The following DLGAP2 variants were observed in gnomAD, a reference collection of about 807,000 sequenced individuals.
The protein encoded by DLGAP2 is disks large-associated protein 2.
In DLGAP2, 26 loss-of-function variants were observed where a neutral mutation model predicts 100.3. The observed-to-expected ratio is 0.26, with a 90% CI of 0.19 to 0.36. The LOEUF is 0.36. Among genes scored for constraint, DLGAP2 ranks in the 10% least tolerant of loss-of-function variants. DLGAP2 has a pLI of 1.00. For synonymous variants in DLGAP2, 886 were observed against 630.1 expected (o/e 1.41, Z -6.08); for missense variants, 1,858 against 1,453.2 (o/e 1.28, Z -4.53).
At chr8:998,246 C>T (rs538501719) in intron 2 of DLGAP2, among the ~76,000 whole-genome samples, 1 of 152,236 alleles carries the variant, frequency 6.6e-6, no homozygotes, top group African/African-American at 2.4e-5. Flanking sequence ...ACTGCTCCAT[C>T]TGTGTCATGT....
chr8:1,230,467 A>C (rs969227704), intron 2 of DLGAP2, among the ~76,000 whole-genome samples: 2 of 152,216 alleles, frequency 1.3e-5, no homozygotes, highest in South Asian at 4.1e-4. Context: ...TGCTATTCCT[A>C]TCAAACTACC....
At chr8:790,924 G>T (rs955676413) in intron 1 of DLGAP2, among the ~76,000 whole-genome samples, 16 of 151,968 alleles carry the variant, frequency 1.1e-4, no homozygotes, top group African/African-American at 3.9e-4. Context: ...TTTGTGCTTT[G>T]TAGAGATGAG....
intron 3 of DLGAP2, among the ~76,000 whole-genome samples, chr8:1,449,417 G>A (rs1314686817): frequency 1.3e-5 from 2 of 152,126 alleles, no homozygotes; most frequent in Non-Finnish European, 2.9e-5. Flanking sequence ...AGGGGGACTC[G>A]AGTTTGACAG....
In DLGAP2 at chr8:1,569,415, C is replaced by T. The variant is rs1027129382; in HGVS notation, c.1442+3521C>T. ...TGTGATGGGTCTGGACAGCGACCTG[C>T]CTGCCAGGGACCTGCTAACTTGAAA... On this transcript the variant is annotated intron_variant, in intron 6 of 14. Transcript: ENST00000637795. 2.0e-5 allele frequency among the ~76,000 whole-genome samples: 3 copies of T among 152,196 alleles called. No individual in the cohort carries two copies. In the South Asian group the frequency reaches 6.2e-4, roughly 32 times the overall value.
At chr8:1,419,472 G>A (rs1482373785) in intron 3 of DLGAP2, among the ~76,000 whole-genome samples, 1 of 124,740 alleles carries the variant, frequency 8.0e-6, no homozygotes, top group African/African-American at 3.0e-5. Flanking sequence ...GTGTGTGTGT[G>A]TGTAGGTTTT....
intron 3 of DLGAP2, among the ~76,000 whole-genome samples, chr8:1,320,195 T>G (rs1219044543): frequency 6.6e-6 from 1 of 151,928 alleles, no homozygotes; most frequent in Non-Finnish European, 1.5e-5. Context: ...TGGCACTGTT[T>G]CCGGAAATGG....
chr8:1,366,944 T>G (rs927657385), intron 3 of DLGAP2, among the ~76,000 whole-genome samples: 2 of 151,120 alleles, frequency 1.3e-5, no homozygotes, highest in Non-Finnish European at 2.9e-5. Context: ...CTGTTAGCAT[T>G]TACATGGCAA....
chr8:795,871 C>CGTCCAGTGAGAGCAGCT lies in DLGAP2; in HGVS notation c.18+58061_18+58062insCTGTCCAGTGAGAGCAG, dbSNP rs1796021001. 2.7e-5 allele frequency among the ~76,000 whole-genome samples: 3 copies of CGTCCAGTGAGAGCAGCT among 112,500 alleles called. 1 individual carries two copies. Among genetic ancestry groups the CGTCCAGTGAGAGCAGCT allele is most frequent in the South Asian group, 7.9e-4 (2 of 2,544 alleles). 73.8% of individuals were successfully genotyped at this position (112,500 alleles called of 152,430 possible). On this transcript the variant is annotated intron_variant, in intron 1 of 14. Transcript: ENST00000637795. ...AGAGCAGGCGTCCAGTGAGAGCAGG[C>CGTCCAGTGAGAGCAGCT]GTCCAGTGAGAGCAGGCGTCCAGTG...
chr8:1,679,840 C>A (rs1320433842), intron 12 of DLGAP2, among the ~76,000 whole-genome samples: 1 of 152,002 alleles, frequency 6.6e-6, no homozygotes, highest in Admixed American at 6.6e-5. Flanking sequence ...ATGAGCCAGG[C>A]GTGGTGGCGG....
At chr8:800,984 A>G (rs1307321435) in intron 1 of DLGAP2, among the ~76,000 whole-genome samples, 7 of 150,758 alleles carry the variant, frequency 4.6e-5, no homozygotes, top group Non-Finnish European at 8.9e-5. Flanking sequence ...TCCACCTGCC[A>G]CCGTCCACAG....
chr8:1,117,374 G>C (rs538242258), intron 2 of DLGAP2, among the ~76,000 whole-genome samples: 1 of 152,350 alleles, frequency 6.6e-6, no homozygotes, highest in East Asian at 1.9e-4. Context: ...TTTGAGCCAA[G>C]AAATTGAAGC....
Position 737,697 on chromosome 8 carries a change from G to A in DLGAP2, c.-111G>A, listed in dbSNP as rs1585807111. ...GCCTGCGGCGGCGAACGGACGGACG[G>A]ACCGCGGACGGACGTACTGACCCCA... is the stretch of plus-strand genomic sequence containing the variant. On this transcript the variant is annotated 5_prime_UTR_variant, in exon 1 of 15. Transcript: ENST00000637795. 8.1e-6 allele frequency: 3 copies of A among 370,006 alleles called. No homozygotes were observed. Among genetic ancestry groups the A allele is most frequent in the East Asian group, 3.9e-5 (1 of 25,712 alleles). 22.9% of individuals were successfully genotyped at this position (370,006 alleles called of 1,614,324 possible). A position where few individuals can be genotyped will look rare whatever the true frequency, so the allele number is the denominator to read the frequency against.
chr8:1,114,959 T>A (rs879692828), intron 2 of DLGAP2, among the ~76,000 whole-genome samples: 11 of 152,240 alleles, frequency 7.2e-5, no homozygotes, highest in Non-Finnish European at 1.5e-5. Context: ...TTACCCAAAG[T>A]CATTCAGGAG....
chr8:1,442,474 G>T (rs1196849220), intron 3 of DLGAP2, among the ~76,000 whole-genome samples: 8 of 148,744 alleles, frequency 5.4e-5, no homozygotes, highest in Admixed American at 1.3e-4. Context: ...CCAGGCTGCT[G>T]GGGGTTCAGC....
chr8:1,338,878 C>A (rs564873687), intron 3 of DLGAP2, among the ~76,000 whole-genome samples: 1 of 146,732 alleles, frequency 6.8e-6, no homozygotes, highest in African/African-American at 2.5e-5. Context: ...GGCGTCAGGA[C>A]CTGGCAGGGA....
At chr8:1,693,869 G>A (rs992176461) in intron 13 of DLGAP2, among the ~76,000 whole-genome samples, 7 of 152,190 alleles carry the variant, frequency 4.6e-5, no homozygotes, top group Admixed American at 6.5e-5. Context: ...TGTCACCTGT[G>A]AACGTTCTTG....
At chr8:1,316,248 G>A (rs1310187150) in intron 3 of DLGAP2, among the ~76,000 whole-genome samples, 6 of 125,510 alleles carry the variant, frequency 4.8e-5, no homozygotes, top group Admixed American at 8.4e-5. Flanking sequence ...CGAGAAACTC[G>A]GCAGCTTTTA....
chr8:1,006,620 G>A (rs111434915), intron 2 of DLGAP2, among the ~76,000 whole-genome samples: 1 of 38,444 alleles, frequency 2.6e-5, no homozygotes, highest in Non-Finnish European at 5.0e-5. Context: ...CCTTTATCAC[G>A]TCGGGGACAC....
chr8:1,187,296 C>T (rs1454238821), intron 2 of DLGAP2, among the ~76,000 whole-genome samples: 1 of 151,148 alleles, frequency 6.6e-6, no homozygotes, highest in East Asian at 2.0e-4. Flanking sequence ...TGGAATCTCA[C>T]ATGCCCGGGA....
Sources: gnomAD v4.1 joint callset for allele counts (sites outside exome capture counted in the v4.1 genomes callset) on GRCh38, gnomAD v4.1.1 for gene constraint, MANE v1.5 for transcripts, NCBI Gene and HGNC (gene_info 2026-07-23, HGNC 2026-07-21) for gene names.